LPP: variants seen among roughly 807,000 people sequenced by gnomAD.
The protein encoded by LPP is LIM domain containing preferred translocation partner in lipoma.
A neutral mutation model predicts 60.4 loss-of-function variants in LPP; 38 were observed. The ratio of observed to expected loss-of-function variants is 0.63; its 90% CI spans 0.49 to 0.83. LPP has a LOEUF of 0.83. Ranked by LOEUF, LPP falls within the 40% of genes least tolerant of loss-of-function variation. The pLI is 0.00. For synonymous variants in LPP, 328 were observed against 290.8 expected, an observed-to-expected ratio of 1.13 and a Z score of -1.30; for missense variants, 902 against 783.6, an observed-to-expected ratio of 1.15 and a Z score of -1.80.
At chr3:188,757,809 T>A (rs1372150672) in intron 8 of LPP, among the ~76,000 whole-genome samples, 1 of 151,892 alleles carries the variant, frequency 6.6e-6, no homozygotes, top group Non-Finnish European at 1.5e-5. Flanking sequence ...TGAAATGTTG[T>A]CAAAGGGTGG....
At chr3:188,660,772 A>G (rs1854403746) in intron 7 of LPP, among the ~76,000 whole-genome samples, 1 of 152,154 alleles carries the variant, frequency 6.6e-6, no homozygotes, top group Admixed American at 6.6e-5. Context: ...CCACAAATGC[A>G]TATTCTTTCC....
chr3:188,267,339 T>G (rs1203650528), intron 2 of LPP, among the ~76,000 whole-genome samples: 14 of 152,226 alleles, frequency 9.2e-5, no homozygotes, highest in Non-Finnish European at 7.3e-5. Context: ...CTGAGGAATC[T>G]CTGTTAGTTC....
At chr3:188,232,167 A>C (rs982787449) in intron 2 of LPP, among the ~76,000 whole-genome samples, 2 of 152,174 alleles carry the variant, frequency 1.3e-5, no homozygotes, top group African/African-American at 4.8e-5. Flanking sequence ...CCACATTCAC[A>C]TAACTAGAAA....
intron 8 of LPP, among the ~76,000 whole-genome samples, chr3:188,753,393 A>C (rs546464089): frequency 6.6e-6 from 1 of 152,254 alleles, no homozygotes; most frequent in East Asian, 1.9e-4. Context: ...ACCTCACCTG[A>C]AGGTCTAAGC....
chr3:188,379,125 C>G (rs1017969528), intron 3 of LPP, among the ~76,000 whole-genome samples: 6 of 151,634 alleles, frequency 4.0e-5, no homozygotes, highest in Non-Finnish European at 7.4e-5. Context: ...ACAAAAGATA[C>G]TAATGATTAA....
In LPP at chr3:188,616,839, T is replaced by C. The variant is rs538411875; in HGVS notation, c.1113+6995T>C. Among the ~76,000 whole-genome samples the C allele has an allele frequency of 1.1e-3, 174 of 152,316 alleles. 3 individuals are homozygous for C. The highest frequency in any genetic ancestry group is 8.7e-3 in the South Asian group (42 of 4,828). Reference sequence around the variant, plus strand: ...AACTTGTCCTTAAGCACTTCAAATATTGGATGCTATTGTAAATGGTATTTT... The same window carrying C: ...AACTTGTCCTTAAGCACTTCAAATACTGGATGCTATTGTAAATGGTATTTT... On this transcript the variant is annotated intron_variant, in intron 7 of 11. Transcript: ENST00000617246.
intron 1 of LPP, chr3:188,179,017 A>G: frequency 3.3e-6 from 1 of 298,666 alleles, no homozygotes; most frequent in Admixed American, 4.9e-5. Context: ...AGAGTGAGCA[A>G]GAGAGAGGGA....
At chr3:188,393,265 A>G (rs997860879) in intron 3 of LPP, among the ~76,000 whole-genome samples, 2 of 152,096 alleles carry the variant, frequency 1.3e-5, no homozygotes, top group Non-Finnish European at 2.9e-5. Context: ...AGTTTCTGCT[A>G]GGTTTCTGCT....
chr3:188,847,665 A>G (rs766608848), intron 9 of LPP, among the ~76,000 whole-genome samples: 4 of 152,212 alleles, frequency 2.6e-5, no homozygotes, highest in Admixed American at 6.5e-5. Context: ...GTTTATCTTG[A>G]ACTCTTAACA....
chr3:188,560,658 G>C (rs116695541), intron 6 of LPP, among the ~76,000 whole-genome samples: 216 of 152,198 alleles, frequency 1.4e-3, no homozygotes, highest in African/African-American at 5.1e-3. Context: ...GGATATTCAA[G>C]TAATGAAGCC....
At chr3:188,636,275 T>C (rs545267375) in intron 7 of LPP, among the ~76,000 whole-genome samples, 1 of 152,188 alleles carries the variant, frequency 6.6e-6, no homozygotes, top group Non-Finnish European at 1.5e-5. Context: ...TTCCCTTTCC[T>C]AACCAAAGAA....
chr3:188,640,064 C>A, intron 7 of LPP, among the ~76,000 whole-genome samples: 1 of 151,802 alleles, frequency 6.6e-6, no homozygotes. Flanking sequence ...AAGACACATG[C>A]ACACGTATGT....
chr3:188,833,671 C>A (rs538476921), intron 9 of LPP, among the ~76,000 whole-genome samples: 1 of 152,168 alleles, frequency 6.6e-6, no homozygotes, highest in Admixed American at 6.6e-5. Flanking sequence ...ACAAATCCAG[C>A]CACTTTGCAC....
chr3:188,396,591 T>G (rs1423559520), intron 3 of LPP, among the ~76,000 whole-genome samples: 1 of 152,200 alleles, frequency 6.6e-6, no homozygotes, highest in African/African-American at 2.4e-5. Flanking sequence ...TAGGTCTCAT[T>G]AGAGATCATA....
At chr3:188,418,256 G>A (rs953194905) in intron 4 of LPP, among the ~76,000 whole-genome samples, 26 of 152,200 alleles carry the variant, frequency 1.7e-4, no homozygotes, top group Non-Finnish European at 3.2e-4. Flanking sequence ...GGTAATGTAC[G>A]ATAAACACTA....
chr3:188,309,913 G>A (rs1381232088), intron 2 of LPP, among the ~76,000 whole-genome samples: 14 of 152,024 alleles, frequency 9.2e-5, no homozygotes, highest in Admixed American at 9.2e-4. Flanking sequence ...GAAACTTCTT[G>A]CAGACCACAG....
At chr3:188,254,434 T>TG (rs1730966820) in intron 2 of LPP, among the ~76,000 whole-genome samples, 1 of 152,170 alleles carries the variant, frequency 6.6e-6, no homozygotes, top group African/African-American at 2.4e-5. Flanking sequence ...TGTGGTGGAA[T>TG]GGGGAGGAAA....
intron 5 of LPP, among the ~76,000 whole-genome samples, chr3:188,522,651 T>C (rs1043231702): frequency 6.6e-6 from 1 of 151,604 alleles, no homozygotes; most frequent in African/African-American, 2.4e-5. Flanking sequence ...AAAATACACA[T>C]GGTGGCAGAT....
chr3:188,799,208 A>T (rs750631390), intron 9 of LPP, among the ~76,000 whole-genome samples: 6 of 152,244 alleles, frequency 3.9e-5, no homozygotes, highest in Admixed American at 3.3e-4. Flanking sequence ...TTACTCTCAC[A>T]GCCTCTCCTG....
Sources: gnomAD v4.1 joint callset for allele counts (sites outside exome capture counted in the v4.1 genomes callset) on GRCh38, gnomAD v4.1.1 for gene constraint, MANE v1.5 for transcripts, NCBI Gene and HGNC (gene_info 2026-07-23, HGNC 2026-07-21) for gene names.